The following MINDY2 variants were observed in gnomAD, a reference collection of about 807,000 sequenced individuals.
MINDY2 encodes the protein MINDY lysine 48 deubiquitinase 2.
A neutral mutation model predicts 68.2 loss-of-function variants in MINDY2; 52 were observed. The ratio of observed to expected loss-of-function variants is 0.76; its 90% CI spans 0.61 to 0.96. MINDY2 has a LOEUF of 0.96. Among genes scored for constraint, MINDY2 ranks in the 40% least tolerant of loss-of-function variants. The pLI is 0.00. For missense variants in MINDY2, 881 were observed against 773.4 expected (o/e 1.14, Z -1.65); for synonymous variants, 372 against 303.0 (o/e 1.23, Z -2.36).
At chr15:58,801,480 A>G (rs1372659721) in intron 2 of MINDY2, among the ~76,000 whole-genome samples, 1 of 151,520 alleles carries the variant, frequency 6.6e-6, no homozygotes, top group Non-Finnish European at 1.5e-5. Context: ...AATTTGAAAG[A>G]TAATACGTAG....
At position 58,772,012 on chromosome 15, in the gene MINDY2, A is replaced by G. The variant is rs1275270351; in HGVS notation, c.617A>G (p.Glu206Gly). ...GAGAACAGGGTCCCTGAGGAGGAGG[A>G]GGGCGCGGCGGTGTTGCCCGGGGCT... is the stretch of plus-strand genomic sequence containing the variant. Reference protein sequence around the residue: ...GAENRVPEEEEGAAVLPGAVP... With the variant: ...GAENRVPEEEGGAAVLPGAVP... The change falls in exon 1 of 9, where the codon GAG (glutamate) becomes GGG (glycine). Residue 206 changes from glutamate to glycine, a missense_variant. Physicochemically the swap from Glu to Gly is moderately conservative, Grantham distance 98 (BLOSUM62 -2). Transcript: ENST00000559228. The G allele has an allele frequency of 2.5e-6, 4 of 1,594,270 alleles. 1 individual carries two copies. In the Admixed American group the frequency reaches 7.0e-5, roughly 28 times the overall value.
At chr15:58,835,259 C>G (rs1361271817) in intron 6 of MINDY2, among the ~76,000 whole-genome samples, 1 of 152,124 alleles carries the variant, frequency 6.6e-6, no homozygotes, top group Admixed American at 6.5e-5. Context: ...ATATCACAAG[C>G]TGTGAGTGTT....
At chr15:58,850,110 G>A (rs1258090142) in intron 7 of MINDY2, among the ~76,000 whole-genome samples, 1 of 152,010 alleles carries the variant, frequency 6.6e-6, no homozygotes, top group East Asian at 1.9e-4. Context: ...GGGGGAGGAG[G>A]TACACAGACT....
chr15:58,808,300 G>A (rs559970910), intron 3 of MINDY2, among the ~76,000 whole-genome samples: 12 of 152,166 alleles, frequency 7.9e-5, no homozygotes, highest in African/African-American at 1.9e-4. Flanking sequence ...ATAATGTCAC[G>A]TATCTACCAT....
rs2032904116 is a variant in MINDY2 at position 58,852,955 on chromosome 15, TTTTTTTTTTTTTTTTAAG to T, written c.1737+991_1737+1008del. Reference sequence around the variant, plus strand: ...TTTTTTTTTTTTTTTTTTTTTTTTTTTTTTTTTTTTTTTTTAAGACAGAGTCTCACTCTGTTGCCCAGG... The same window carrying T: ...TTTTTTTTTTTTTTTTTTTTTTTTTTACAGAGTCTCACTCTGTTGCCCAGG... On this transcript the variant is annotated intron_variant, in intron 8 of 8. Coordinates refer to ENST00000559228, the MANE Select transcript of MINDY2 (RefSeq NM_001040450.3). 4.5e-5 allele frequency among the ~76,000 whole-genome samples: 2 copies of T among 44,768 alleles called. 1 individual carries two copies. Among genetic ancestry groups the T allele is most frequent in the Non-Finnish European group, 1.1e-4 (2 of 18,828 alleles). 29.4% of individuals were successfully genotyped at this position (44,768 alleles called of 152,430 possible).
chr15:58,780,261 G>A (rs567349430), intron 1 of MINDY2, among the ~76,000 whole-genome samples: 95 of 152,066 alleles, frequency 6.2e-4, no homozygotes, highest in African/African-American at 2.2e-3. Flanking sequence ...AAAATTAGCC[G>A]GGTGTGGTGG....
chr15:58,831,383 CTGT>C (rs779239155), intron 5 of MINDY2, among the ~76,000 whole-genome samples: 4 of 152,136 alleles, frequency 2.6e-5, no homozygotes, highest in Non-Finnish European at 4.4e-5. Context: ...TGGGAGGTAG[CTGT>C]TGACTGACAT....
intron 5 of MINDY2, among the ~76,000 whole-genome samples, chr15:58,824,601 T>C (rs1373006095): frequency 2.0e-5 from 3 of 152,014 alleles, no homozygotes; most frequent in Non-Finnish European, 2.9e-5. Flanking sequence ...TAAGAAATCA[T>C]GGAAAATAAA....
rs759046395 is a variant in MINDY2, at chr15:58,771,741, G to T, written c.346G>T (p.Val116Leu). The change falls in exon 1 of 9, where the codon GTG becomes TTG. Residue 116 changes from valine (V) to leucine (L), a missense_variant. Val to Leu is a conservative substitution (Grantham distance 32). Transcript: ENST00000559228. ...YKVTASPETAVAGVGHELGTA... is the reference protein window; with the variant it reads ...YKVTASPETALAGVGHELGTA... ...GGTGACCGCCTCCCCGGAGACAGCC[G>T]TGGCCGGAGTGGGTCATGAGTTGGG... is the stretch of plus-strand genomic sequence containing the variant. 1.2e-5 allele frequency: 19 copies of T among 1,611,494 alleles called. No homozygotes were observed. The African/African-American group carries it at 2.0e-4, about 17-fold the overall frequency.
At chr15:58,811,273 A>G (rs1193103274) in intron 4 of MINDY2, among the ~76,000 whole-genome samples, 1 of 152,224 alleles carries the variant, frequency 6.6e-6, no homozygotes, top group Non-Finnish European at 1.5e-5. Flanking sequence ...ACCCCCATAT[A>G]TCCATCACTC....
At chr15:58,825,191 C>T (rs1351113310) in intron 5 of MINDY2, among the ~76,000 whole-genome samples, 1 of 152,156 alleles carries the variant, frequency 6.6e-6, no homozygotes, top group East Asian at 1.9e-4. Flanking sequence ...GAAATACATT[C>T]ACTAACATTC....
intron 1 of MINDY2, among the ~76,000 whole-genome samples, chr15:58,774,727 CCTT>C (rs1304731567): frequency 6.6e-5 from 10 of 152,030 alleles, no homozygotes; most frequent in South Asian, 4.1e-4. Flanking sequence ...TGAGAGAAGA[CCTT>C]CTGGGCAAAG....
At chr15:58,795,761 C>G (rs1902242848) in intron 2 of MINDY2, among the ~76,000 whole-genome samples, 1 of 146,546 alleles carries the variant, frequency 6.8e-6, no homozygotes, top group Admixed American at 7.0e-5. Context: ...ATTATAGTGT[C>G]TAAGTTTTTT....
intron 1 of MINDY2, 32 bp downstream of exon 1, chr15:58,772,267 T>A: frequency 6.2e-7 from 1 of 1,602,940 alleles, no homozygotes; most frequent in Non-Finnish European, 8.5e-7. Context: ...TTCCTACAGC[T>A]TTTGGGGTGG....
intron 1 of MINDY2, among the ~76,000 whole-genome samples, chr15:58,780,233 C>A (rs1901044826): frequency 6.6e-6 from 1 of 151,898 alleles, no homozygotes; most frequent in Non-Finnish European, 1.5e-5. Context: ...GGAGAAACCC[C>A]TTCTCTACTA....
chr15:58,811,924 A>G (rs1420048092), intron 4 of MINDY2, among the ~76,000 whole-genome samples: 1 of 152,218 alleles, frequency 6.6e-6, no homozygotes, highest in Non-Finnish European at 1.5e-5. Flanking sequence ...CTGTTTTAAT[A>G]TTATTTTCAC....
chr15:58,800,708 T>C (rs1902583117), intron 2 of MINDY2, among the ~76,000 whole-genome samples: 1 of 150,366 alleles, frequency 6.7e-6, no homozygotes, highest in African/African-American at 2.4e-5. Flanking sequence ...GTGGTGCGTG[T>C]CTTTAGTCCC....
intron 8 of MINDY2, among the ~76,000 whole-genome samples, chr15:58,852,954 TTTTTTTTTTTTTTTTTAAG>T (rs2032903780): frequency 2.1e-5 from 1 of 47,442 alleles, no homozygotes. Flanking sequence ...TTTTTTTTTT[TTTTTTTTTTTTTTTTTAAG>T]ACAGAGTCTC....
At chr15:58,810,522 T>C in intron 4 of MINDY2, 134 bp downstream of exon 4, 1 of 823,382 alleles carries the variant, frequency 1.2e-6, no homozygotes, top group Non-Finnish European at 1.8e-6. Context: ...AACTATGAGG[T>C]TAAGAACAGA....
Sources: allele counts gnomAD v4.1 joint callset (sites outside exome capture counted in the v4.1 genomes callset), GRCh38; gene constraint gnomAD v4.1.1; transcripts MANE v1.5; gene names NCBI Gene and HGNC (gene_info 2026-07-23, HGNC 2026-07-21).